NEK10: variants seen among roughly 807,000 people sequenced by gnomAD.
The protein encoded by NEK10 is serine/threonine-protein kinase Nek10.
A neutral mutation model predicts 159.8 loss-of-function variants in NEK10; 122 were observed. The observed-to-expected ratio is 0.76, with a 90% CI of 0.66 to 0.89. NEK10 has a LOEUF of 0.89. Ranked by LOEUF, NEK10 falls within the 40% of genes least tolerant of loss-of-function variation. NEK10 has a pLI of 0.00. For missense variants in NEK10, 1,342 were observed against 1,323.1 expected (o/e 1.01, Z -0.22); for synonymous variants, 466 against 457.1 (o/e 1.02, Z -0.25).
chr3:27,164,994 G>A (rs919928096), intron 29 of NEK10, among the ~76,000 whole-genome samples: 2 of 152,140 alleles, frequency 1.3e-5, no homozygotes, highest in East Asian at 1.9e-4. Context: ...AGTTGCTGCC[G>A]CTTTTGCTAT....
At chr3:27,189,797 T>C (rs1948955415) in intron 26 of NEK10, among the ~76,000 whole-genome samples, 2 of 152,252 alleles carry the variant, frequency 1.3e-5, no homozygotes, top group Non-Finnish European at 2.9e-5. Flanking sequence ...TCAGTAGACT[T>C]AAAATAGTGC....
chr3:27,134,443 C>G (rs13096996), intron 31 of NEK10, among the ~76,000 whole-genome samples: 4,898 of 152,242 alleles, frequency 0.032, 103 homozygotes, highest in South Asian at 0.047. Context: ...AGAAAGGCAG[C>G]GAGCCTTCTC....
chr3:27,230,830 A>C (rs1953171896), intron 23 of NEK10, among the ~76,000 whole-genome samples: 1 of 152,076 alleles, frequency 6.6e-6, no homozygotes, highest in Admixed American at 6.6e-5. Flanking sequence ...TACAATCCTA[A>C]ATACATACGC....
chr3:27,188,139 G>A (rs961065267), intron 26 of NEK10, among the ~76,000 whole-genome samples: 2 of 152,076 alleles, frequency 1.3e-5, no homozygotes, highest in Admixed American at 6.6e-5. Flanking sequence ...TGCACTTAAC[G>A]TTATTCTTTT....
rs577310564 is a variant in NEK10 at position 27,254,684 on chromosome 3, G to A, written c.2090+1612C>T. 2.0e-5 allele frequency among the ~76,000 whole-genome samples: 3 copies of A among 152,142 alleles called. No individual in the cohort carries two copies. The East Asian group carries it at 5.8e-4, about 29-fold the overall frequency. Reference sequence around the variant, plus strand: ...TTTTTAAAGCAATTTAAAAGAATAAGAAGTTGACAGAAAGATAAATGGTAG... The same window carrying A: ...TTTTTAAAGCAATTTAAAAGAATAAAAAGTTGACAGAAAGATAAATGGTAG... On this transcript the variant is annotated intron_variant, in intron 23 of 35. Transcript: ENST00000691995.
intron 1 of NEK10, among the ~76,000 whole-genome samples, chr3:27,368,822 G>A (rs1329240415): frequency 2.6e-5 from 4 of 152,250 alleles, no homozygotes; most frequent in Non-Finnish European, 5.9e-5. Flanking sequence ...AAAAGCAGAG[G>A]GGCAAAGTCA....
intron 22 of NEK10, among the ~76,000 whole-genome samples, chr3:27,281,481 C>T (rs947411177): frequency 1.4e-4 from 22 of 151,768 alleles, no homozygotes; most frequent in Admixed American, 1.4e-3. Flanking sequence ...TTCCTGACAG[C>T]AAAACTAGAT....
At chr3:27,341,572 T>C (rs940982111) in intron 5 of NEK10, among the ~76,000 whole-genome samples, 24 of 152,316 alleles carry the variant, frequency 1.6e-4, no homozygotes, top group African/African-American at 5.5e-4. Context: ...GGCTCAGGGA[T>C]GATACTTTCC....
chr3:27,142,729 TAA>T (rs757356138), intron 30 of NEK10, among the ~76,000 whole-genome samples: 87 of 152,208 alleles, frequency 5.7e-4, no homozygotes, highest in Non-Finnish European at 1.2e-3. Flanking sequence ...TGCAGTCATT[TAA>T]AAGAGTCAAC....
At chr3:27,311,786 A>G (rs2044719666) in intron 8 of NEK10, 1 of 299,394 alleles carries the variant, frequency 3.3e-6, no homozygotes, top group Non-Finnish European at 6.2e-6. Flanking sequence ...TTATAGAAAA[A>G]AAACTGGATA....
chr3:27,338,866 T>C (rs73055722), intron 5 of NEK10, among the ~76,000 whole-genome samples: 54,079 of 151,804 alleles, frequency 0.36, 10,763 homozygotes, highest in East Asian at 0.74. Flanking sequence ...TCTCCCATTC[T>C]GTAGGTTGTG....
At chr3:27,206,632 C>G (rs1950568542) in intron 23 of NEK10, 2 of 985,288 alleles carry the variant, frequency 2.0e-6, no homozygotes, top group Non-Finnish European at 1.2e-6. Context: ...ATGCTGGTAA[C>G]TCGCAGACCT....
chr3:27,357,458 T>C lies in NEK10; in HGVS notation c.-37-4539A>G, dbSNP rs558823589. 8.5e-5 allele frequency among the ~76,000 whole-genome samples: 13 copies of C among 152,278 alleles called. No homozygotes were observed. In the South Asian group the frequency reaches 2.5e-3, roughly 29 times the overall value. ...AATTATTCAGTCATTGGGGGAAACT[T>C]AGAGTTCTATATAAGAAAATACTCA... On this transcript the variant is annotated intron_variant, in intron 1 of 35. Transcript: ENST00000691995.
intron 30 of NEK10, among the ~76,000 whole-genome samples, chr3:27,151,853 T>G (rs1281938789): frequency 6.6e-6 from 1 of 152,052 alleles, no homozygotes; most frequent in Non-Finnish European, 1.5e-5. Context: ...CTTATAGAAA[T>G]GCAAAATGCT....
intron 22 of NEK10, among the ~76,000 whole-genome samples, chr3:27,261,569 T>C (rs2040416057): frequency 1.3e-5 from 2 of 152,228 alleles, no homozygotes. Context: ...CTAGTTTGAT[T>C]GCACTGTGGT....
chr3:27,337,032 G>A lies in NEK10; in HGVS notation c.362+7240C>T, dbSNP rs554701304. Among the ~76,000 whole-genome samples the A allele has an allele frequency of 6.4e-4, 97 of 151,962 alleles. 1 individual carries two copies. Among genetic ancestry groups the A allele is most frequent in the Non-Finnish European group, 1.2e-3 (84 of 67,914 alleles). On this transcript the variant is annotated intron_variant, in intron 5 of 35. Transcript: ENST00000691995. The stretch of plus-strand genomic sequence containing the variant: ...AAATAAAAGGCATACACATTTGGCG[G>A]GGGGGAAAGGAAGATGTACCTCTTT...
At chr3:27,156,371 A>C (rs1945418939) in intron 30 of NEK10, among the ~76,000 whole-genome samples, 1 of 152,204 alleles carries the variant, frequency 6.6e-6, no homozygotes, top group Non-Finnish European at 1.5e-5. Flanking sequence ...GACAACCCAC[A>C]GAGTGGGAGA....
intron 26 of NEK10, among the ~76,000 whole-genome samples, chr3:27,191,118 A>C (rs1053236339): frequency 2.0e-5 from 3 of 152,218 alleles, no homozygotes; most frequent in Admixed American, 6.5e-5. Flanking sequence ...TTCAGAAAGC[A>C]GTTCACTGGA....
chr3:27,112,811 A>G (rs1004886346), intron 35 of NEK10, among the ~76,000 whole-genome samples: 2 of 152,196 alleles, frequency 1.3e-5, no homozygotes, highest in African/African-American at 4.8e-5. Context: ...AATATTGCCC[A>G]TTCTATGAAA....
Sources: gnomAD v4.1 joint callset for allele counts (sites outside exome capture counted in the v4.1 genomes callset) on GRCh38, gnomAD v4.1.1 for gene constraint, MANE v1.5 for transcripts, NCBI Gene and HGNC (gene_info 2026-07-23, HGNC 2026-07-21) for gene names.